GNAQ: variants seen among roughly 807,000 people sequenced by gnomAD.
GNAQ encodes the protein G protein subunit alpha q, also known as guanine nucleotide-binding protein G(q) subunit alpha.
Under a neutral mutation model 43.9 loss-of-function variants are expected in GNAQ, and 8 were observed. The ratio of observed to expected loss-of-function variants is 0.18; its 90% confidence interval spans 0.11 to 0.33. The LOEUF (loss-of-function observed/expected upper bound fraction) is 0.33. Ranked by LOEUF, GNAQ falls within the 10% of genes least tolerant of loss-of-function variation. The pLI is 1.00. For synonymous variants in GNAQ, 155 were observed against 170.7 expected, an observed-to-expected ratio of 0.91 and a Z score of 0.71; for missense variants, 158 against 450.8, an observed-to-expected ratio of 0.35 and a Z score of 5.88.
At chr9:77,739,728 A>G (rs1442299809) in intron 5 of GNAQ, among the ~76,000 whole-genome samples, 1 of 152,226 alleles carries the variant, frequency 6.6e-6, no homozygotes, top group Non-Finnish European at 1.5e-5. Flanking sequence ...AGTTGTTCGC[A>G]GGAGCAAAGT....
At chr9:77,773,517 A>T (rs542197711) in intron 5 of GNAQ, among the ~76,000 whole-genome samples, 1 of 152,360 alleles carries the variant, frequency 6.6e-6, no homozygotes, top group South Asian at 2.1e-4. Flanking sequence ...CTTGTGCAAG[A>T]TTAACCAGCC....
chr9:77,723,189 C>T (rs1564091257), intron 6 of GNAQ, among the ~76,000 whole-genome samples: 1 of 152,168 alleles, frequency 6.6e-6, no homozygotes, highest in Non-Finnish European at 1.5e-5. Flanking sequence ...AAATGCATAT[C>T]AAAACCACAG....
chr9:77,760,966 C>A (rs1287811919), intron 5 of GNAQ, among the ~76,000 whole-genome samples: 1,724 of 151,416 alleles, frequency 0.011, 4 homozygotes, highest in African/African-American at 0.039. Flanking sequence ...AGACCCTCCG[C>A]CTGGCAACCG....
At chr9:77,974,614 G>A (rs923843038) in intron 1 of GNAQ, among the ~76,000 whole-genome samples, 1 of 152,114 alleles carries the variant, frequency 6.6e-6, no homozygotes, top group African/African-American at 2.4e-5. Flanking sequence ...AGGTCAGAGG[G>A]GAGGATAATG....
At chr9:77,826,206 A>G (rs1393567641) in intron 2 of GNAQ, among the ~76,000 whole-genome samples, 4 of 152,086 alleles carry the variant, frequency 2.6e-5, no homozygotes, top group Non-Finnish European at 5.9e-5. Context: ...AAAACAAACA[A>G]TGCTATGGCA....
At chr9:77,841,605 C>G (rs952956590) in intron 2 of GNAQ, among the ~76,000 whole-genome samples, 10 of 152,172 alleles carry the variant, frequency 6.6e-5, no homozygotes, top group African/African-American at 9.7e-5. Context: ...TCAAATGAAG[C>G]TACAAGAATC....
chr9:77,860,063 C>CTTAG (rs1221172245), intron 2 of GNAQ, among the ~76,000 whole-genome samples: 8 of 152,086 alleles, frequency 5.3e-5, no homozygotes, highest in African/African-American at 1.9e-4. Flanking sequence ...TTTTCAAAGG[C>CTTAG]GTCTAACGTC....
At chr9:77,817,184 C>A (rs1338999498) in intron 2 of GNAQ, among the ~76,000 whole-genome samples, 1 of 152,198 alleles carries the variant, frequency 6.6e-6, no homozygotes, top group Admixed American at 6.5e-5. Flanking sequence ...TCGTTCCCCT[C>A]TGAGACTCGC....
intron 1 of GNAQ, among the ~76,000 whole-genome samples, chr9:77,991,570 T>C (rs1035521172): frequency 1.3e-5 from 2 of 152,168 alleles, no homozygotes; most frequent in Non-Finnish European, 2.9e-5. Context: ...TTCTTAAAAA[T>C]CTTTTTTTAA....
At chr9:77,749,749 T>A (rs1035217549) in intron 5 of GNAQ, among the ~76,000 whole-genome samples, 2 of 152,136 alleles carry the variant, frequency 1.3e-5, no homozygotes, top group African/African-American at 4.8e-5. Flanking sequence ...CACAGACATA[T>A]AAAACTAACA....
intron 2 of GNAQ, among the ~76,000 whole-genome samples, chr9:77,847,304 A>G (rs1827603147): frequency 6.6e-6 from 1 of 152,246 alleles, no homozygotes; most frequent in Non-Finnish European, 1.5e-5. Flanking sequence ...AACGCTAATT[A>G]TTAGGCAGAG....
In GNAQ at chr9:77,726,527, T is replaced by G. The variant is rs139712809; in HGVS notation, c.889+1987A>C. ...TAAACCTCCATCCCTGATGTGTTTG[T>G]ATCATCATAGAAAGCTATGAAGCTA... On this transcript the variant is annotated intron_variant, in intron 6 of 6. Coordinates refer to ENST00000286548, the MANE Select transcript of GNAQ (RefSeq NM_002072.5). Among the ~76,000 whole-genome samples the G allele has an allele frequency of 7.1e-4, 108 of 152,378 alleles. 1 individual carries two copies. Among genetic ancestry groups the G allele is most frequent in the African/African-American group, 2.4e-3 (101 of 41,596 alleles).
chr9:77,968,846 A>T (rs562659444), intron 1 of GNAQ, among the ~76,000 whole-genome samples: 5 of 152,338 alleles, frequency 3.3e-5, no homozygotes, highest in African/African-American at 1.2e-4. Context: ...ACCCCTAAGT[A>T]TGGGGATTTT....
chr9:77,772,856 C>T (rs759704560), intron 5 of GNAQ, among the ~76,000 whole-genome samples: 3 of 152,188 alleles, frequency 2.0e-5, no homozygotes, highest in Non-Finnish European at 4.4e-5. Flanking sequence ...AGAGAAGGAA[C>T]TGTCTTGGGC....
At chr9:78,027,309 T>C (rs1435519063) in intron 1 of GNAQ, among the ~76,000 whole-genome samples, 1 of 152,208 alleles carries the variant, frequency 6.6e-6, no homozygotes, top group Non-Finnish European at 1.5e-5. Flanking sequence ...CATTATTGTC[T>C]GGTCTAATTT....
chr9:77,927,991 A>T (rs1414791388), intron 1 of GNAQ, among the ~76,000 whole-genome samples: 1 of 152,218 alleles, frequency 6.6e-6, no homozygotes, highest in Non-Finnish European at 1.5e-5. Flanking sequence ...GCACCACCTC[A>T]TCTGAACTTG....
intron 1 of GNAQ, among the ~76,000 whole-genome samples, chr9:77,975,600 C>T (rs981636332): frequency 1.4e-5 from 2 of 140,872 alleles, no homozygotes; most frequent in Non-Finnish European, 3.0e-5. Flanking sequence ...AGGGCAGTGG[C>T]GCGATCTCGG....
chr9:77,793,343 G>T (rs928488668), intron 5 of GNAQ, among the ~76,000 whole-genome samples: 1 of 152,082 alleles, frequency 6.6e-6, no homozygotes, highest in Non-Finnish European at 1.5e-5. Flanking sequence ...ACTCAGGAAT[G>T]ATTCCGAAAT....
rs1826054744 is a variant in GNAQ, at chr9:77,762,412, C to T, written c.735+32051G>A. 2.3e-5 allele frequency among the ~76,000 whole-genome samples: 3 copies of T among 131,370 alleles called. No homozygotes were observed. The South Asian group carries it at 8.4e-4, about 37-fold the overall frequency. The allele number at this position is 131,370 out of a possible 152,430, so 86.2% of individuals were successfully genotyped here. A position where few individuals can be genotyped will look rare whatever the true frequency, so the allele number is the denominator to read the frequency against. On this transcript the variant is annotated intron_variant, in intron 5 of 6. Transcript: ENST00000286548. ...CCCTCTGCCTGGCCAGCCACCCCAT[C>T]CGGGAGGGAGGTGGGGGGGTCAGCC...
Sources: allele counts gnomAD v4.1 joint callset (sites outside exome capture counted in the v4.1 genomes callset), GRCh38; gene constraint gnomAD v4.1.1; transcripts MANE v1.5; gene names NCBI Gene and HGNC (gene_info 2026-07-23, HGNC 2026-07-21).